SEC16B: variants seen among roughly 807,000 people sequenced by gnomAD.
The protein encoded by SEC16B is SEC16 homolog B, endoplasmic reticulum export factor.
SEC16B carries 115 observed loss-of-function variants against 141.8 expected under a neutral mutation model. The observed-to-expected ratio is 0.81, with a 90% confidence interval of 0.70 to 0.95. SEC16B has a LOEUF of 0.95. Ranked by LOEUF, SEC16B falls within the 40% of genes least tolerant of loss-of-function variation. SEC16B has a pLI of 0.00. For synonymous variants in SEC16B, 493 were observed against 492.5 expected (o/e 1.00, Z -0.01); for missense variants, 1,291 against 1,312.3 (o/e 0.98, Z 0.25).
chr1:177,943,014 C>T (rs138200604), intron 15 of SEC16B, among the ~76,000 whole-genome samples: 21 of 152,286 alleles, frequency 1.4e-4, no homozygotes, highest in Admixed American at 2.6e-4. Flanking sequence ...GTTACCCTTC[C>T]GGGCCTCCGT....
At chr1:177,946,599 G>A (rs2101935516) in intron 13 of SEC16B, 68 bp from the exon 14 acceptor site, 1 of 1,239,858 alleles carries the variant, frequency 8.1e-7, no homozygotes, top group Non-Finnish European at 1.1e-6. Flanking sequence ...ATCTGGGTGG[G>A]ATGGGAGACA....
intron 1 of SEC16B, among the ~76,000 whole-genome samples, chr1:177,975,605 A>T (rs1654140906): frequency 6.6e-6 from 1 of 152,246 alleles, no homozygotes; most frequent in African/African-American, 2.4e-5. Context: ...GTGAAAGAAA[A>T]ACATTACATT....
chr1:177,958,082 G>A (rs762341670), intron 10 of SEC16B, 50 bp downstream of exon 10: 41 of 1,281,618 alleles, frequency 3.2e-5, no homozygotes, highest in Non-Finnish European at 4.2e-5. Context: ...GTGGTGGAGA[G>A]GGATGGTGAT....
Position 177,958,223 on chromosome 1 carries a change from T to C in SEC16B, c.1274A>G (p.Asn425Ser). 6.2e-7 allele frequency: 1 copy of C among 1,604,624 alleles called. No individual in the cohort carries two copies. Among genetic ancestry groups the C allele is most frequent in the South Asian group, 1.1e-5 (1 of 88,184 alleles). The stretch of plus-strand genomic sequence containing the variant: ...GGGGGGGATCTCTCCCGTGAGCAGG[T>C]TCGGGGTCCCAGAGCTCAGCACTGG... ...DWPVLSSGTP[N>S]LLTGEIPPSV... The change falls in exon 10 of 26, where the codon AAC (asparagine) becomes AGC (serine). Residue 425 changes from asparagine (N) to serine (S), a missense_variant. Asn to Ser is a conservative substitution (Grantham distance 46). Around this residue, in one of 3 missense-constraint regions of SEC16B, gnomAD observed 681 missense variants for 675.5 expected, o/e 1.01. Coordinates refer to ENST00000308284, the MANE Select transcript of SEC16B (RefSeq NM_033127.4).
At chr1:177,939,656 T>C (rs1326411602) in intron 18 of SEC16B, 46 bp downstream of exon 18, 1 of 1,395,230 alleles carries the variant, frequency 7.2e-7, no homozygotes, top group East Asian at 2.4e-5. Flanking sequence ...TAGAATCAGA[T>C]CCTGAGCGTC....
chr1:177,944,796 G>A (rs1052477978), intron 14 of SEC16B, 130 bp from the exon 15 acceptor site: 22 of 658,840 alleles, frequency 3.3e-5, no homozygotes, highest in Middle Eastern at 2.8e-4. Flanking sequence ...TGCCTGCGGC[G>A]GCTTCAAGAG....
chr1:177,971,454 T>G (rs1232961964), upstream of SEC16B: 1 of 151,750 alleles, frequency 6.6e-6, no homozygotes, highest in Non-Finnish European at 1.5e-5. Context: ...TTTTAATCCT[T>G]CTGGGAAGAG....
chr1:177,976,131 C>G (rs1654162010), intron 1 of SEC16B, among the ~76,000 whole-genome samples: 1 of 152,216 alleles, frequency 6.6e-6, no homozygotes. Context: ...ACAAAGGACT[C>G]CTTCAAATGC....
At chr1:177,954,229 T>A in intron 11 of SEC16B, 50 bp downstream of exon 11, 1 of 1,362,060 alleles carries the variant, frequency 7.3e-7, no homozygotes, top group Non-Finnish European at 1.0e-6. Context: ...CCACCTTTGG[T>A]GAGGAGGCCT....
chr1:177,958,445 G>A (rs2101974154), intron 9 of SEC16B, 83 bp from the exon 10 acceptor site: 1 of 1,164,374 alleles, frequency 8.6e-7, no homozygotes, highest in Non-Finnish European at 1.2e-6. Flanking sequence ...AGGCACCAGG[G>A]AGCCTGCCTT....
chr1:177,983,698 C>A (rs972808739), intron 1 of SEC16B, among the ~76,000 whole-genome samples: 2 of 152,162 alleles, frequency 1.3e-5, no homozygotes, highest in Admixed American at 6.5e-5. Flanking sequence ...AGGCACCACA[C>A]CCCTAGCCAT....
intron 4 of SEC16B, among the ~76,000 whole-genome samples, chr1:177,964,564 T>C (rs750843140): frequency 2.0e-5 from 3 of 152,076 alleles, no homozygotes; most frequent in Non-Finnish European, 4.4e-5. Context: ...CATCAGAGTG[T>C]TTAGGTTGGT....
chr1:177,938,059 A>G (rs752385644), intron 18 of SEC16B, among the ~76,000 whole-genome samples: 2 of 152,216 alleles, frequency 1.3e-5, no homozygotes, highest in Non-Finnish European at 2.9e-5. Context: ...CACGGCCACA[A>G]GGTTTTTTTT....
chr1:177,942,706 G>T (rs938780574), intron 15 of SEC16B, among the ~76,000 whole-genome samples: 2 of 151,738 alleles, frequency 1.3e-5, no homozygotes, highest in Non-Finnish European at 2.9e-5. Flanking sequence ...TAGTGCAAAG[G>T]GCGTCAAGCT....
At chr1:177,967,369 G>T (rs1324814406) in intron 2 of SEC16B, among the ~76,000 whole-genome samples, 1 of 152,140 alleles carries the variant, frequency 6.6e-6, no homozygotes, top group African/African-American at 2.4e-5. Context: ...CAGAGCAAGA[G>T]GGTTCCATCT....
chr1:177,963,363 G>T (rs1486502991), intron 5 of SEC16B, among the ~76,000 whole-genome samples: 1 of 151,850 alleles, frequency 6.6e-6, no homozygotes, highest in Non-Finnish European at 1.5e-5. Flanking sequence ...CCAGCACTTT[G>T]GGAGGCCGAG....
At chr1:177,951,033 GAGGA>G (rs1223890990) in intron 12 of SEC16B, among the ~76,000 whole-genome samples, 30 of 139,396 alleles carry the variant, frequency 2.2e-4, no homozygotes, top group South Asian at 5.3e-4. Flanking sequence ...GGGAGGGAGG[GAGGA>G]AGGAAGGAAG....
At chr1:177,948,503 GC>G in intron 12 of SEC16B, 1 of 1,304,226 alleles carries the variant, frequency 7.7e-7, no homozygotes, top group Non-Finnish European at 1.0e-6. Context: ...AGAAAATCAA[GC>G]CAAGTGGCCC....
At chr1:177,941,303 C>A (rs190513818) in intron 16 of SEC16B, among the ~76,000 whole-genome samples, 3 of 152,126 alleles carry the variant, frequency 2.0e-5, no homozygotes, top group Non-Finnish European at 2.9e-5. Context: ...AAATTTTATA[C>A]GTTAAAGAAG....
Sources: gnomAD v4.1 joint callset for allele counts (sites outside exome capture counted in the v4.1 genomes callset) on GRCh38, gnomAD v4.1.1 for gene constraint, gnomAD v4.1.1 regional missense constraint, MANE v1.5 for transcripts, NCBI Gene and HGNC (gene_info 2026-07-23, HGNC 2026-07-21) for gene names.